The following PLEKHS1 variants were observed in gnomAD, a reference collection of about 807,000 sequenced individuals.
PLEKHS1 encodes pleckstrin homology domain-containing family S member 1.
In PLEKHS1, 55 loss-of-function variants were observed where a neutral mutation model predicts 51.0. The observed-to-expected ratio is 1.08, with a 90% CI of 0.87 to 1.35. The LOEUF is 1.35. Among genes scored for constraint, PLEKHS1 ranks in the 40% most tolerant of loss-of-function variants. The pLI is 0.00. For missense variants in PLEKHS1, 398 were observed against 423.0 expected, an observed-to-expected ratio of 0.94 and a Z score of 0.52; for synonymous variants, 153 against 144.8, an observed-to-expected ratio of 1.06 and a Z score of -0.41.
exon 10 of PLEKHS1, chr10:113,774,905 G>A (rs749853778): frequency 1.2e-6 from 2 of 1,614,048 alleles, no homozygotes; most frequent in Admixed American, 3.3e-5. Flanking sequence ...CCAGGATGGG[G>A]ACCTCCACCT....
chr10:113,762,583 G>A (rs1367167908), intron 2 of PLEKHS1, among the ~76,000 whole-genome samples: 2 of 150,612 alleles, frequency 1.3e-5, no homozygotes, highest in Admixed American at 6.6e-5. Context: ...TTTATTTTTG[G>A]GATTTTTTAA....
At chr10:113,755,040 G>T (rs994856041) in intron 1 of PLEKHS1, among the ~76,000 whole-genome samples, 8 of 152,212 alleles carry the variant, frequency 5.3e-5, no homozygotes, top group African/African-American at 1.9e-4. Context: ...CACCCACTGT[G>T]TGAGGACAAG....
chr10:113,761,054 A>C (rs2134489904), intron 2 of PLEKHS1, among the ~76,000 whole-genome samples: 1 of 152,272 alleles, frequency 6.6e-6, no homozygotes, highest in Admixed American at 6.5e-5. Context: ...CATTTATTGA[A>C]AAGACTGTTC....
chr10:113,779,117 T>C (rs1844790589), intron 11 of PLEKHS1, among the ~76,000 whole-genome samples: 1 of 152,216 alleles, frequency 6.6e-6, no homozygotes, highest in Non-Finnish European at 1.5e-5. Flanking sequence ...AGAGGTAGAA[T>C]GGAGTAAATC....
At chr10:113,779,337 G>A (rs1844798078) in intron 11 of PLEKHS1, among the ~76,000 whole-genome samples, 1 of 152,158 alleles carries the variant, frequency 6.6e-6, no homozygotes, top group Non-Finnish European at 1.5e-5. Context: ...TTGGGAGGCG[G>A]AGGTGGGCAG....
intron 11 of PLEKHS1, among the ~76,000 whole-genome samples, chr10:113,776,133 A>C (rs1844646892): frequency 6.6e-6 from 1 of 152,178 alleles, no homozygotes; most frequent in Non-Finnish European, 1.5e-5. Flanking sequence ...CTAAGGGAGG[A>C]AGAAGGGGCT....
At position 113,777,571 on chromosome 10, in the gene PLEKHS1, T is replaced by C. The variant is rs754628955; in HGVS notation, c.1091+1705T>C. 1.9e-6 allele frequency: 3 copies of C among 1,550,680 alleles called. No homozygotes were observed. In the African/African-American group the frequency reaches 4.1e-5, roughly 21 times the overall value. ...ATTCCAAAACAGCTCCTTCAACCAA[T>C]TTGTGCCTCAGTTTTCTTTTCTGTA... On this transcript the variant is annotated intron_variant, in intron 11 of 11. Transcript: ENST00000361048.
intron 8 of PLEKHS1, among the ~76,000 whole-genome samples, chr10:113,773,472 T>C (rs1242237183): frequency 3.4e-5 from 5 of 148,578 alleles, no homozygotes; most frequent in Non-Finnish European, 7.4e-5. Flanking sequence ...CAATGGAAAT[T>C]GAGAGAAAGG....
At chr10:113,769,846 C>T (rs142015786) in exon 7 of PLEKHS1, 2 of 1,613,956 alleles carry the variant, frequency 1.2e-6, no homozygotes, top group African/African-American at 1.3e-5. Flanking sequence ...TTGGCCCTTC[C>T]AGCACATCAG....
At chr10:113,755,127 G>A (rs1854046710) in intron 1 of PLEKHS1, 132 bp from the exon 2 acceptor site, 4 of 933,402 alleles carry the variant, frequency 4.3e-6, no homozygotes, top group Non-Finnish European at 6.1e-6. Flanking sequence ...GAAAGGATGG[G>A]AATGGGAGAC....
In PLEKHS1 at chr10:113,769,784, G is replaced by T. The variant is rs770813250; in HGVS notation, c.436G>T (p.Glu146Ter). ...GACTGATTCCTTTTTTTGTGAGCAG[G>T]AGGAACTCTCATTGGGTAATAAAAG... The change falls in exon 7 of 12, where the codon GAG (glutamate) becomes TAG (stop). Residue 146 changes from glutamate (E) to a stop codon, truncating the protein, a stop_gained and splice_region_variant. Coordinates refer to ENST00000361048, the Ensembl canonical transcript of PLEKHS1. LOFTEE classifies it high-confidence loss of function. The T allele has an allele frequency of 3.1e-6, 5 of 1,601,958 alleles. No individual in the cohort carries two copies. Among genetic ancestry groups the T allele is most frequent in the Non-Finnish European group, 4.3e-6 (5 of 1,169,288 alleles).
intron 9 of PLEKHS1, 126 bp from the exon 10 acceptor site, chr10:113,774,700 G>A: frequency 1.3e-6 from 1 of 788,686 alleles, no homozygotes; most frequent in South Asian, 1.7e-5. Flanking sequence ...GATTCTGATA[G>A]TTGGACATAC....
intron 6 of PLEKHS1, among the ~76,000 whole-genome samples, chr10:113,769,407 CAT>C (rs1269353604): frequency 6.6e-6 from 1 of 152,096 alleles, no homozygotes; most frequent in Non-Finnish European, 1.5e-5. Flanking sequence ...CTTTTTTTGA[CAT>C]GTTTTCTAGG....
intron 1 of PLEKHS1, among the ~76,000 whole-genome samples, chr10:113,753,969 G>A (rs997579575): frequency 1.3e-5 from 2 of 151,830 alleles, no homozygotes; most frequent in African/African-American, 2.4e-5. Context: ...CACCACGCTC[G>A]GCCAATTTTT....
chr10:113,766,584 T>G, intron 3 of PLEKHS1, 28 bp from the exon 4 acceptor site: 1 of 1,589,622 alleles, frequency 6.3e-7, no homozygotes, highest in Non-Finnish European at 8.6e-7. Context: ...GAGATTTAAC[T>G]AAGACATAAA....
chr10:113,766,869 G>A lies in PLEKHS1; in HGVS notation c.224+151G>A, dbSNP rs574445766. On this transcript the variant is annotated intron_variant, in intron 4 of 11. Transcript: ENST00000361048. ...TTGTGACTGAATAGGAGCTAAAATAGTGAGCACTTTGAGTTAAAAGATAGT... is the reference window on the plus strand; with the variant it reads ...TTGTGACTGAATAGGAGCTAAAATAATGAGCACTTTGAGTTAAAAGATAGT... 20 of 600,786 alleles carry A rather than the reference G, an allele frequency of 3.3e-5. No homozygotes were observed. The East Asian group carries it at 4.5e-4, about 14-fold the overall frequency. 37.2% of individuals were successfully genotyped at this position (600,786 alleles called of 1,614,324 possible).
At chr10:113,764,720 T>C (rs1844085986) in intron 2 of PLEKHS1, 3 of 152,224 alleles carry the variant, frequency 2.0e-5, no homozygotes, top group African/African-American at 7.2e-5. Context: ...CTATTACTTA[T>C]ATACTAGGCT....
At chr10:113,773,683 G>A (rs762901004) in intron 8 of PLEKHS1, among the ~76,000 whole-genome samples, 47 of 152,272 alleles carry the variant, frequency 3.1e-4, no homozygotes, top group Non-Finnish European at 6.2e-4. Flanking sequence ...ATGGGTTAAC[G>A]GTGAACTTAG....
intron 2 of PLEKHS1, among the ~76,000 whole-genome samples, chr10:113,761,850 G>T (rs912397615): frequency 2.3e-4 from 35 of 152,148 alleles, no homozygotes; most frequent in African/African-American, 8.2e-4. Context: ...AGAATGAGTT[G>T]AGAAATATTC....
Sources: gnomAD v4.1 joint callset for allele counts (sites outside exome capture counted in the v4.1 genomes callset) on GRCh38, gnomAD v4.1.1 for gene constraint, MANE v1.5 for transcripts, NCBI Gene and HGNC (gene_info 2026-07-23, HGNC 2026-07-21) for gene names.